The following TP53BP1 variants were observed in gnomAD, a reference collection of about 807,000 sequenced individuals.
TP53BP1 encodes TP53-binding protein 1.
A neutral mutation model predicts 200.8 loss-of-function variants in TP53BP1; 61 were observed. That is an observed-to-expected ratio of 0.30 (90% CI 0.25 to 0.38). TP53BP1 has a LOEUF of 0.38. TP53BP1 is among the 10% of genes least tolerant of loss of function. The probability of loss-of-function intolerance (pLI) is 1.00; values close to 1 mark genes in which losing one functional copy is unlikely to be tolerated. For missense variants in TP53BP1, 2,144 were observed against 2,371.9 expected, an observed-to-expected ratio of 0.90 and a Z score of 2.00; for synonymous variants, 822 against 844.3, an observed-to-expected ratio of 0.97 and a Z score of 0.46.
chr15:43,491,914 G>T lies in TP53BP1; in HGVS notation c.286+88C>A, dbSNP rs913710852. ...ACAGTAGGCTTCCTTACATACATTC[G>T]ACACAACCACATAAAGTTTAAATCC... On this transcript the variant is annotated intron_variant, in intron 3 of 27. Coordinates refer to ENST00000382044, the MANE Select transcript of TP53BP1 (RefSeq NM_001141980.3). 8.4e-6 allele frequency: 10 copies of T among 1,190,864 alleles called. No individual in the cohort carries two copies. The African/African-American group carries it at 1.4e-4, about 16-fold the overall frequency. 73.8% of individuals were successfully genotyped at this position (1,190,864 alleles called of 1,614,324 possible).
chr15:43,480,053 C>T (rs2078940893), intron 5 of TP53BP1, 36 bp from the exon 6 acceptor site: 1 of 1,599,496 alleles, frequency 6.3e-7, no homozygotes, highest in Admixed American at 1.7e-5. Context: ...GGTATCATCC[C>T]ACAACATTAT....
rs115958523 is a variant in TP53BP1 at position 43,449,800 on chromosome 15, C to A, written c.2717-2315G>T. Among the ~76,000 whole-genome samples, 728 of 152,326 alleles carry A rather than the reference C, an allele frequency of 4.8e-3. 1 individual carries two copies. Among genetic ancestry groups the A allele is most frequent in the African/African-American group, 0.017 (688 of 41,584 alleles). ...GACAAATTCCCAACTCTATAGTCAG[C>A]ATTCAACTAACTAGTAGCAGCCTAT... On this transcript the variant is annotated intron_variant, in intron 12 of 27. Transcript: ENST00000382044.
rs2046282948 is a variant in TP53BP1, at chr15:43,455,933, G to C, written c.2675C>G (p.Pro892Arg). 2 of 1,614,052 alleles carry C rather than the reference G, an allele frequency of 1.2e-6. No individual in the cohort carries two copies. Among genetic ancestry groups the C allele is most frequent in the South Asian group, 1.1e-5 (1 of 91,094 alleles). The part of the protein sequence containing the change: ...SDAEAQKLGK[P>R]SAHASQSFCE... ...GAAGCTTTGTGAGGCATGGGCAGAGGGCTTCCCCAGCTTCTGGGCCTCTGC... is the reference window on the plus strand; with the variant it reads ...GAAGCTTTGTGAGGCATGGGCAGAGCGCTTCCCCAGCTTCTGGGCCTCTGC... Residue 892 changes from proline to arginine, a missense_variant, in exon 12 of 28, where the codon CCC becomes CGC. Physicochemically the swap from Pro to Arg is moderately radical, Grantham distance 103. Around this residue, in one of 4 missense-constraint regions of TP53BP1, gnomAD observed 1,700 missense variants for 1,710.3 expected, o/e 0.99. Transcript: ENST00000382044.
chr15:43,409,764 G>A, intron 24 of TP53BP1, 23 bp from the exon 25 acceptor site: 3 of 1,221,658 alleles, frequency 2.5e-6, no homozygotes, highest in Non-Finnish European at 2.3e-6. Flanking sequence ...AAAAAACCAA[G>A]ATAATAATTA....
At chr15:43,407,872 C>T (rs1421248392) in intron 27 of TP53BP1, 71 bp downstream of exon 27, 2 of 1,462,160 alleles carry the variant, frequency 1.4e-6, no homozygotes, top group African/African-American at 2.8e-5. Flanking sequence ...AGCCTTGGAC[C>T]ACAAGGCCTA....
In TP53BP1 at chr15:43,483,547, C is replaced by A. The variant is rs1427551905; in HGVS notation, c.372-2525G>T. Among the ~76,000 whole-genome samples, 3 of 152,074 alleles carry A rather than the reference C, an allele frequency of 2.0e-5. No homozygotes were observed. The East Asian group carries it at 5.8e-4, about 29-fold the overall frequency. On this transcript the variant is annotated intron_variant, in intron 4 of 27. Coordinates refer to ENST00000382044, the MANE Select transcript of TP53BP1 (RefSeq NM_001141980.3). Reference sequence around the variant, plus strand: ...TGCTTCCTTGCAACTTTCTACACAACTAATATTTCATAAAAAGAGCATTAA... The same window carrying A: ...TGCTTCCTTGCAACTTTCTACACAAATAATATTTCATAAAAAGAGCATTAA...
rs765222844 is a variant in TP53BP1, at chr15:43,407,577, G to T, written c.5747-7C>A. ...AATACCCCTAAAGCAATATCTGCAA[G>T]GAGCAAGGGAAAGTGAAGAAGGAAA... On this transcript the variant is annotated splice_polypyrimidine_tract_variant and splice_region_variant and intron_variant, in intron 27 of 27. Coordinates refer to ENST00000382044, the MANE Select transcript of TP53BP1 (RefSeq NM_001141980.3). 1.7e-5 allele frequency: 28 copies of T among 1,602,010 alleles called. No homozygotes were observed. The Admixed American group carries it at 4.6e-4, about 27-fold the overall frequency.
rs141222111 is a variant in TP53BP1, at chr15:43,456,764, G to A, written c.1844C>T (p.Thr615Met). Residue 615 changes from threonine to methionine, a missense_variant, in exon 12 of 28, where the codon ACG becomes ATG. Physicochemically the swap from Thr to Met is moderately conservative, Grantham distance 81. Transcript: ENST00000382044. Reference sequence around the variant, plus strand: ...ATCAATACAAACATCTTCTGCTACCGTTTCTTCTCTGCCCTTGCAACCAGT... The same window carrying A: ...ATCAATACAAACATCTTCTGCTACCATTTCTTCTCTGCCCTTGCAACCAGT... ...LATGCKGREE[T>M]VAEDVCIDLT... 3,456 of 1,613,970 alleles carry A rather than the reference G, an allele frequency of 2.1e-3. 3 individuals carry two copies. The highest frequency in any genetic ancestry group is 2.5e-3 in the Non-Finnish European group (2,912 of 1,180,032).
At chr15:43,469,090 C>T (rs1005868600) in intron 11 of TP53BP1, among the ~76,000 whole-genome samples, 4 of 152,018 alleles carry the variant, frequency 2.6e-5, no homozygotes, top group African/African-American at 9.7e-5. Context: ...ACAATAATTC[C>T]CCCACTTAAG....
chr15:43,427,913 C>T lies in TP53BP1; in HGVS notation c.3828+103G>A, dbSNP rs1050316092. The T allele has an allele frequency of 4.8e-5, 39 of 809,372 alleles. No individual in the cohort carries two copies. In the African/African-American group the frequency reaches 5.2e-4, roughly 11 times the overall value. The allele number at this position is 809,372 out of a possible 1,614,324, so 50.1% of individuals were successfully genotyped here. A position where few individuals can be genotyped will look rare whatever the true frequency, so the allele number is the denominator to read the frequency against. On this transcript the variant is annotated intron_variant, in intron 18 of 27. Transcript: ENST00000382044. ...CAGAGGCTGCAGTGAAACAAAATCA[C>T]GCAACTGCATTCCAGCCTAGGTAAC...
In TP53BP1 at chr15:43,420,631, G is replaced by A; in HGVS notation, c.4355C>T (p.Thr1452Ile). The A allele has an allele frequency of 2.5e-6, 4 of 1,614,218 alleles. No individual in the cohort carries two copies. Among genetic ancestry groups the A allele is most frequent in the Non-Finnish European group, 3.4e-6 (4 of 1,180,034 alleles). ...ACCAGCACCCACATCTGTTCGTCTG[G>A]TGGAGTCTGGCACTCGGGGCACGAC... is the stretch of plus-strand genomic sequence containing the variant. Reference protein sequence around the residue: ...SRVVPRVPDSTRRTDVGAGAL... With the variant: ...SRVVPRVPDSIRRTDVGAGAL... Residue 1452 changes from threonine to isoleucine, a missense_variant, in exon 21 of 28, where the codon ACC (threonine) becomes ATC (isoleucine). Around this residue, in one of 4 missense-constraint regions of TP53BP1, gnomAD observed 49 missense variants for 60.7 expected, o/e 0.81. Transcript: ENST00000382044.
chr15:43,449,043 C>T (rs1432416649), intron 12 of TP53BP1, among the ~76,000 whole-genome samples: 2 of 130,440 alleles, frequency 1.5e-5, no homozygotes, highest in Non-Finnish European at 3.0e-5. Flanking sequence ...AGGAGAACTG[C>T]TTGAACCTGG....
chr15:43,485,626 T>C (rs1370728791), intron 4 of TP53BP1, among the ~76,000 whole-genome samples: 1 of 137,982 alleles, frequency 7.2e-6, no homozygotes, highest in Non-Finnish European at 1.5e-5. Context: ...GCAGATCACT[T>C]GAGGTCAGGA....
At chr15:43,443,676 CA>C (rs1228305967) in intron 14 of TP53BP1, among the ~76,000 whole-genome samples, 1 of 152,086 alleles carries the variant, frequency 6.6e-6, no homozygotes, top group Non-Finnish European at 1.5e-5. Flanking sequence ...GCCTGGGTGA[CA>C]GGGAGAAGCC....
intron 12 of TP53BP1, among the ~76,000 whole-genome samples, chr15:43,453,073 A>C (rs940993813): frequency 2.0e-5 from 3 of 151,918 alleles, no homozygotes; most frequent in Middle Eastern, 3.4e-3. Flanking sequence ...GGGCGCCTGT[A>C]ATCCCAGCTA....
chr15:43,449,695 T>C (rs1240729227), intron 12 of TP53BP1, among the ~76,000 whole-genome samples: 3 of 152,204 alleles, frequency 2.0e-5, no homozygotes, highest in Admixed American at 6.5e-5. Flanking sequence ...CCCCATTCTT[T>C]CTGCACACTT....
Position 43,469,876 on chromosome 15 carries a change from G to A in TP53BP1, c.1371C>T (p.Ser457=), listed in dbSNP as rs531062154. The A allele has an allele frequency of 7.4e-6, 12 of 1,613,538 alleles. No individual in the cohort carries two copies. The African/African-American group carries it at 1.2e-4, about 16-fold the overall frequency. The stretch of plus-strand genomic sequence containing the variant: ...TACTCACATGAGAAAACTGAGGCTG[G>A]GATGGGATAGGAAGTGACCCAGGAG... ...VFPPGSLPIP[S]QPQFSHDIFI... The change falls in exon 11 of 28, where the codon TCC becomes TCT. Residue 457 remains serine (S), a synonymous_variant. Transcript: ENST00000382044.
intron 16 of TP53BP1, 125 bp from the exon 17 acceptor site, chr15:43,432,802 T>C (rs1462032749): frequency 5.2e-5 from 56 of 1,083,868 alleles, no homozygotes; most frequent in Non-Finnish European, 7.2e-5. Context: ...ATTTGAGAAA[T>C]GTAAGGAAGG....
At chr15:43,449,938 C>T (rs1344807755) in intron 12 of TP53BP1, among the ~76,000 whole-genome samples, 1 of 152,248 alleles carries the variant, frequency 6.6e-6, no homozygotes, top group Non-Finnish European at 1.5e-5. Flanking sequence ...CACACATCTA[C>T]TCAAACTATT....
Sources: allele counts gnomAD v4.1 joint callset (sites outside exome capture counted in the v4.1 genomes callset), GRCh38; gene constraint gnomAD v4.1.1; regional missense constraint gnomAD v4.1.1; transcripts MANE v1.5; gene names NCBI Gene and HGNC (gene_info 2026-07-23, HGNC 2026-07-21).